The following KANSL1L variants were observed in gnomAD, a reference collection of about 807,000 sequenced individuals.
The protein encoded by KANSL1L is KAT8 regulatory NSL complex subunit 1-like protein.
In KANSL1L, 25 loss-of-function variants were observed where a neutral mutation model predicts 108.6. That is an observed-to-expected ratio of 0.23 (90% confidence interval 0.17 to 0.32). The LOEUF (loss-of-function observed/expected upper bound fraction) is 0.32, where lower values mean the gene tolerates loss of function less well. Ranked by LOEUF, KANSL1L falls within the 10% of genes least tolerant of loss-of-function variation. The pLI, the probability that KANSL1L is intolerant of heterozygous loss-of-function variation, is 1.00. For missense variants in KANSL1L, 1,137 were observed against 1,125.7 expected (o/e 1.01, Z -0.14); for synonymous variants, 405 against 395.1 (o/e 1.03, Z -0.30).
chr2:210,055,538 G>T (rs906282950), intron 6 of KANSL1L, among the ~76,000 whole-genome samples: 4 of 152,192 alleles, frequency 2.6e-5, no homozygotes, highest in Non-Finnish European at 5.9e-5. Flanking sequence ...GTAGATGTGG[G>T]AAAGTTTGGA....
intron 11 of KANSL1L, 116 bp from the exon 12 acceptor site, chr2:210,027,466 T>C: frequency 1.5e-6 from 1 of 670,732 alleles, no homozygotes; most frequent in South Asian, 1.8e-5. Flanking sequence ...GTTCAAATTG[T>C]TGTATTTTAA....
At chr2:210,104,440 T>C (rs2094826518) in intron 3 of KANSL1L, 139 bp from the exon 4 acceptor site, 1 of 633,872 alleles carries the variant, frequency 1.6e-6, no homozygotes, top group African/African-American at 1.8e-5. Context: ...TTTAACTCTG[T>C]AAAGAACTGG....
At chr2:210,074,861 C>A (rs2094531443) in intron 6 of KANSL1L, among the ~76,000 whole-genome samples, 1 of 152,072 alleles carries the variant, frequency 6.6e-6, no homozygotes, top group Non-Finnish European at 1.5e-5. Flanking sequence ...ATTAAGAAAT[C>A]TAACGTTAAT....
rs1327768637 is a variant in KANSL1L at position 210,060,803 on chromosome 2, A to G, written c.1755+14749T>C. Among the ~76,000 whole-genome samples the G allele has an allele frequency of 2.6e-5, 4 of 152,254 alleles. No individual in the cohort carries two copies. In the East Asian group the frequency reaches 7.7e-4, roughly 29 times the overall value. On this transcript the variant is annotated intron_variant, in intron 6 of 14. Transcript: ENST00000281772. ...ATCACTAGATACCAGAGGGGTGGGA[A>G]CCACCATGATGGGGATAATACAAGA...
intron 1 of KANSL1L, among the ~76,000 whole-genome samples, chr2:210,166,715 A>T (rs1216795138): frequency 2.6e-5 from 4 of 152,102 alleles, no homozygotes; most frequent in Non-Finnish European, 4.4e-5. Context: ...AACTAGGAAA[A>T]CATTATCAGA....
At chr2:210,107,776 G>A (rs560013117) in intron 3 of KANSL1L, among the ~76,000 whole-genome samples, 4 of 151,846 alleles carry the variant, frequency 2.6e-5, no homozygotes, top group South Asian at 4.2e-4. Flanking sequence ...CTTGTAATTC[G>A]CCTGCCTCGG....
At chr2:210,164,456 C>T (rs1304363278) in intron 1 of KANSL1L, among the ~76,000 whole-genome samples, 1 of 152,052 alleles carries the variant, frequency 6.6e-6, no homozygotes, top group Non-Finnish European at 1.5e-5. Flanking sequence ...TGGATCCTTG[C>T]TAAATCTAAG....
At chr2:210,085,427 G>A (rs2094627973) in intron 5 of KANSL1L, among the ~76,000 whole-genome samples, 1 of 152,038 alleles carries the variant, frequency 6.6e-6, no homozygotes. Flanking sequence ...CTTAAAGTGG[G>A]ACTTTTTAAC....
intron 9 of KANSL1L, 123 bp downstream of exon 9, chr2:210,031,298 A>G (rs1431011988): frequency 9.1e-6 from 6 of 655,838 alleles, no homozygotes; most frequent in South Asian, 3.7e-5. Context: ...TTGTAGACTC[A>G]TAGATGTTTT....
intron 6 of KANSL1L, among the ~76,000 whole-genome samples, chr2:210,073,644 G>T (rs2094522471): frequency 6.6e-6 from 1 of 151,892 alleles, no homozygotes; most frequent in Non-Finnish European, 1.5e-5. Flanking sequence ...TAGATTTATA[G>T]AGCATTTGAA....
In KANSL1L at chr2:210,022,513, CAT is replaced by C. The variant is rs2125104055; in HGVS notation, c.*434_*435del. ...TGTGTGTATGTTTATTTTATACACACATATTTGTATATTCTAATATATTACTA... is the reference window on the plus strand; with the variant it reads ...TGTGTGTATGTTTATTTTATACACACATTTGTATATTCTAATATATTACTA... On this transcript the variant is annotated 3_prime_UTR_variant, in exon 15 of 15. Coordinates refer to ENST00000281772, the MANE Select transcript of KANSL1L (RefSeq NM_152519.4). 1 of 165,500 alleles carries C rather than the reference CAT, an allele frequency of 6.0e-6. No homozygotes were observed. The highest frequency in any genetic ancestry group is 2.4e-5 in the African/African-American group (1 of 41,476). The allele number at this position is 165,500 out of a possible 1,614,324, so 10.3% of individuals were successfully genotyped here.
Position 210,154,441 on chromosome 2 carries a change from T to C in KANSL1L, c.142A>G (p.Met48Val). 6.2e-7 allele frequency: 1 copy of C among 1,613,460 alleles called. No individual in the cohort carries two copies. Among genetic ancestry groups the C allele is most frequent in the Non-Finnish European group, 8.5e-7 (1 of 1,179,714 alleles). ...EKLKGDTFSQ[M>V]LGFPTPEPTL... is the part of the protein sequence containing the mutation. ...GGTTCAGGAGTTGGAAATCCAAGCA[T>C]CTGAGAAAAGGTGTCTCCCTTTAGC... Residue 48 changes from methionine (M) to valine (V), a missense_variant, in exon 2 of 15, where the codon ATG (methionine) becomes GTG (valine). This residue lies in a region of KANSL1L where 556 missense variants were observed against 537.7 expected (regional missense o/e 1.03). Coordinates refer to ENST00000281772, the MANE Select transcript of KANSL1L (RefSeq NM_152519.4).
intron 9 of KANSL1L, 97 bp downstream of exon 9, chr2:210,031,324 G>T: frequency 1.3e-6 from 1 of 795,080 alleles, no homozygotes; most frequent in Non-Finnish European, 2.0e-6. Flanking sequence ...ATTAGTGGCT[G>T]TTCTGGATTA....
chr2:210,023,995 C>A, intron 14 of KANSL1L, 38 bp downstream of exon 14: 3 of 1,387,544 alleles, frequency 2.2e-6, no homozygotes, highest in South Asian at 1.5e-5. Context: ...AGTTAAAAGT[C>A]AAGGAATGGG....
At chr2:210,105,092 C>G (rs2094833074) in intron 3 of KANSL1L, among the ~76,000 whole-genome samples, 1 of 151,976 alleles carries the variant, frequency 6.6e-6, no homozygotes, top group African/African-American at 2.4e-5. Context: ...CAACTGTTCT[C>G]AACTTTAGGT....
intron 2 of KANSL1L, among the ~76,000 whole-genome samples, chr2:210,146,712 A>G (rs561419908): frequency 1.2e-4 from 18 of 152,320 alleles, no homozygotes; most frequent in African/African-American, 4.3e-4. Flanking sequence ...CAAAACAGTT[A>G]TTTACTTGAT....
At chr2:210,135,941 C>T (rs552119524) in intron 2 of KANSL1L, among the ~76,000 whole-genome samples, 102 of 152,048 alleles carry the variant, frequency 6.7e-4, no homozygotes, top group Non-Finnish European at 1.1e-3. Context: ...TGTACACACA[C>T]AATATAGACA....
At chr2:210,047,534 G>A (rs1301454202) in intron 6 of KANSL1L, among the ~76,000 whole-genome samples, 1 of 152,120 alleles carries the variant, frequency 6.6e-6, no homozygotes, top group African/African-American at 2.4e-5. Flanking sequence ...TCCATCTGAG[G>A]TTTTATCAGA....
intron 5 of KANSL1L, among the ~76,000 whole-genome samples, chr2:210,081,803 T>C (rs1276121918): frequency 6.6e-6 from 1 of 152,204 alleles, no homozygotes; most frequent in East Asian, 1.9e-4. Flanking sequence ...AATAAGTAAA[T>C]GTTAAACATT....
Sources: gnomAD v4.1 joint callset for allele counts (sites outside exome capture counted in the v4.1 genomes callset) on GRCh38, gnomAD v4.1.1 for gene constraint, gnomAD v4.1.1 regional missense constraint, MANE v1.5 for transcripts, NCBI Gene and HGNC (gene_info 2026-07-23, HGNC 2026-07-21) for gene names.